Variants in ANKRD10 observed in about 807,000 individuals in gnomAD.
ANKRD10 encodes the protein ankyrin repeat domain-containing protein 10.
ANKRD10 carries 14 observed loss-of-function variants against 27.0 expected under a neutral mutation model. The ratio of observed to expected loss-of-function variants is 0.52; its 90% CI spans 0.34 to 0.81. The LOEUF (loss-of-function observed/expected upper bound fraction) is 0.81, where lower values mean the gene tolerates loss of function less well. ANKRD10 is among the 40% of genes least tolerant of loss of function. ANKRD10 has a pLI of 0.01. For synonymous variants in ANKRD10, 250 were observed against 224.5 expected, an observed-to-expected ratio of 1.11 and a Z score of -1.01; for missense variants, 493 against 544.0, an observed-to-expected ratio of 0.91 and a Z score of 0.93.
chr13:110,891,352 A>G lies in ANKRD10; in HGVS notation c.691+1676T>C, dbSNP rs1396736094. Among the ~76,000 whole-genome samples the G allele has an allele frequency of 7.9e-5, 12 of 152,240 alleles. No individual in the cohort carries two copies. The East Asian group carries it at 2.3e-3, about 29-fold the overall frequency. On this transcript the variant is annotated intron_variant, in intron 4 of 5. Transcript: ENST00000267339. Reference sequence around the variant, plus strand: ...TTAAAACATGGTACAAATAAATGACAATGCTGAATACATCACCATTAAAAA... The same window carrying G: ...TTAAAACATGGTACAAATAAATGACGATGCTGAATACATCACCATTAAAAA...
intron 4 of ANKRD10, among the ~76,000 whole-genome samples, chr13:110,888,148 G>C (rs979375709): frequency 3.3e-5 from 5 of 151,776 alleles, no homozygotes; most frequent in African/African-American, 9.7e-5. Flanking sequence ...GACAGAGAAG[G>C]GAACTGAGTG....
chr13:110,914,797 G>A lies in ANKRD10; in HGVS notation c.138C>T (p.Pro46=). ...AGTCCTCAGAGGCCAGGTGGGCGTGGGGTGTCTGCTGCAGCAGCGAGCAGA... is the reference window on the plus strand; with the variant it reads ...AGTCCTCAGAGGCCAGGTGGGCGTGAGGTGTCTGCTGCAGCAGCGAGCAGA... The part of the protein sequence containing the change: ...ATLCSLLQQT[P]HAHLASEDSF... The change falls in exon 1 of 6, where the codon CCC becomes CCT. Residue 46 remains proline, a synonymous_variant. Coordinates refer to ENST00000267339, the MANE Select transcript of ANKRD10 (RefSeq NM_017664.4). 1 of 1,595,476 alleles carries A rather than the reference G, an allele frequency of 6.3e-7. No homozygotes were observed. Among genetic ancestry groups the A allele is most frequent in the Non-Finnish European group, 8.5e-7 (1 of 1,171,744 alleles).
At position 110,910,620 on chromosome 13, in the gene ANKRD10, G is replaced by A; in HGVS notation, c.361C>T (p.Pro121Ser). 1 of 1,613,694 alleles carries A rather than the reference G, an allele frequency of 6.2e-7. No individual in the cohort carries two copies. ...AAGTCCATCACCAGCACTCTTACCG[G>A]TTTGTTAATGTTGGCTCCTGCTTGA... ...LIQAGANINK[P>S]DCEGETPIHK... Residue 121 changes from proline to serine, a missense_variant and splice_region_variant, in exon 2 of 6, where the codon CCG becomes TCG. Transcript: ENST00000267339.
At chr13:110,889,985 T>C (rs972182359) in intron 4 of ANKRD10, among the ~76,000 whole-genome samples, 4 of 152,290 alleles carry the variant, frequency 2.6e-5, no homozygotes, top group Admixed American at 1.3e-4. Context: ...TTCTAAATAT[T>C]TTTATATGTG....
rs1275487321 is a variant in ANKRD10 at position 110,906,061 on chromosome 13, C to T, written c.427G>A (p.Ala143Thr). ...ARSGSLECIS[A>T]LVANGAHVDL... The stretch of plus-strand genomic sequence containing the variant: ...ACGTGAGCCCCATTCGCCACAAGGG[C>T]ACTGATGCATTCTAGGCTCCCAGAG... The change falls in exon 3 of 6, where the codon GCC (alanine) becomes ACC (threonine). Residue 143 changes from alanine to threonine, a missense_variant. Transcript: ENST00000267339. The T allele has an allele frequency of 6.2e-7, 1 of 1,603,396 alleles. No homozygotes were observed. The highest frequency in any genetic ancestry group is 1.7e-5 in the Admixed American group (1 of 58,954).
intron 4 of ANKRD10, among the ~76,000 whole-genome samples, 173 bp from the exon 5 acceptor site, chr13:110,883,966 CAA>C (rs1251189192): frequency 6.6e-6 from 1 of 152,122 alleles, no homozygotes; most frequent in Non-Finnish European, 1.5e-5. Context: ...TTTCCACAAT[CAA>C]AAAGATTTCT....
At chr13:110,900,603 G>C in intron 3 of ANKRD10, 1 of 1,351,870 alleles carries the variant, frequency 7.4e-7, no homozygotes, top group African/African-American at 1.5e-5. Context: ...GGTTTTCGGA[G>C]AAGCACCTGT....
intron 3 of ANKRD10, chr13:110,903,661 A>C (rs980874466): frequency 6.5e-6 from 1 of 152,732 alleles, no homozygotes; most frequent in Non-Finnish European, 1.5e-5. Context: ...TGGGCACTTT[A>C]TGTAGCAGAT....
chr13:110,879,765 C>T lies in ANKRD10; in HGVS notation c.1135G>A (p.Gly379Arg), dbSNP rs748005008. Residue 379 changes from glycine (G) to arginine (R), a missense_variant, in exon 6 of 6, where the codon GGG (glycine) becomes AGG (arginine). Physicochemically the swap from Gly to Arg is moderately radical, Grantham distance 125 (BLOSUM62 -2). Transcript: ENST00000267339. ...GDNLYYGHYH[G>R]FGDTAESIPE... ...ATGCTTTCAGCAGTGTCCCCAAACC[C>T]GTGGTAGTGTCCATAGTACAGGTTA... The T allele has an allele frequency of 1.1e-5, 18 of 1,614,100 alleles. No homozygotes were observed. The highest frequency in any genetic ancestry group is 7.7e-5 in the South Asian group (7 of 91,090).
chr13:110,912,248 C>A (rs2065736586), intron 1 of ANKRD10, among the ~76,000 whole-genome samples: 3 of 152,198 alleles, frequency 2.0e-5, no homozygotes, highest in Admixed American at 6.5e-5. Context: ...AGAGACCTCA[C>A]CTGAAGACAA....
At chr13:110,885,261 A>G (rs184019249) in intron 4 of ANKRD10, among the ~76,000 whole-genome samples, 53 of 151,728 alleles carry the variant, frequency 3.5e-4, no homozygotes, top group East Asian at 2.5e-3. Flanking sequence ...AAGAGAGAGA[A>G]AAAAAAAAGG....
chr13:110,880,126 T>C lies in ANKRD10; in HGVS notation c.788-14A>G, dbSNP rs772184523. The C allele has an allele frequency of 6.9e-6, 11 of 1,597,762 alleles. No individual in the cohort carries two copies. The highest frequency in any genetic ancestry group is 5.1e-5 in the Admixed American group (3 of 59,314). On this transcript the variant is annotated splice_polypyrimidine_tract_variant and intron_variant, in intron 5 of 5. Coordinates refer to ENST00000267339, the MANE Select transcript of ANKRD10 (RefSeq NM_017664.4). ...TGTTTTTCATATCTGCATTAAGAAATACACCTGTCACCAAAATTCAGAACC... is the reference window on the plus strand; with the variant it reads ...TGTTTTTCATATCTGCATTAAGAAACACACCTGTCACCAAAATTCAGAACC...
Position 110,906,017 on chromosome 13 carries a change from A to C in ANKRD10, c.455+16T>G. ...ACTACATCTTTAGCTGGAAAGAATA[A>C]ACGAAAGACACTTACTCGACGTGAG... On this transcript the variant is annotated intron_variant, in intron 3 of 5. Coordinates refer to ENST00000267339, the MANE Select transcript of ANKRD10 (RefSeq NM_017664.4). 6.3e-7 allele frequency: 1 copy of C among 1,576,226 alleles called. No individual in the cohort carries two copies. Among genetic ancestry groups the C allele is most frequent in the Non-Finnish European group, 8.6e-7 (1 of 1,156,938 alleles).
chr13:110,910,626 T>C lies in ANKRD10; in HGVS notation c.355A>G (p.Asn119Asp). 3.1e-6 allele frequency: 5 copies of C among 1,613,824 alleles called. No homozygotes were observed. Among genetic ancestry groups the C allele is most frequent in the Non-Finnish European group, 4.2e-6 (5 of 1,179,966 alleles). The change falls in exon 2 of 6, where the codon AAC becomes GAC. Residue 119 changes from asparagine (N) to aspartate (D), a missense_variant. By Grantham distance (23) the Asn-to-Asp change is conservative. Coordinates refer to ENST00000267339, the MANE Select transcript of ANKRD10 (RefSeq NM_017664.4). ...ATCACCAGCACTCTTACCGGTTTGT[T>C]AATGTTGGCTCCTGCTTGAATCAGC... Reference protein sequence around the residue: ...VWLIQAGANINKPDCEGETPI... With the variant: ...VWLIQAGANIDKPDCEGETPI...
intron 3 of ANKRD10, among the ~76,000 whole-genome samples, chr13:110,905,454 C>T (rs2065504883): frequency 6.6e-6 from 1 of 152,148 alleles, no homozygotes. Context: ...ATAATGCCAC[C>T]AGTACCAGAA....
intron 2 of ANKRD10, among the ~76,000 whole-genome samples, chr13:110,906,644 A>G (rs1312863080): frequency 6.6e-6 from 1 of 152,214 alleles, no homozygotes; most frequent in African/African-American, 2.4e-5. Context: ...ACCACAACTT[A>G]GACAAGATGG....
At chr13:110,886,519 C>T (rs538558445) in intron 4 of ANKRD10, among the ~76,000 whole-genome samples, 1 of 152,314 alleles carries the variant, frequency 6.6e-6, no homozygotes, top group Non-Finnish European at 1.5e-5. Flanking sequence ...CTTCTTCATT[C>T]CTAGTAGCTA....
rs1241515309 is a variant in ANKRD10 at position 110,879,940 on chromosome 13, C to T, written c.960G>A (p.Pro320=). 5 of 1,614,188 alleles carry T rather than the reference C, an allele frequency of 3.1e-6. No individual in the cohort carries two copies. Among genetic ancestry groups the T allele is most frequent in the Admixed American group, 1.7e-5 (1 of 60,032 alleles). ...SSGLAPGQPF[P]SSQGSLCISG... is the part of the protein sequence containing the mutation. Reference sequence around the variant, plus strand: ...TAATGCAGAGAGAACCCTGGCTACTCGGAAACGGCTGTCCTGGGGCTAATC... The same window carrying T: ...TAATGCAGAGAGAACCCTGGCTACTTGGAAACGGCTGTCCTGGGGCTAATC... Residue 320 remains proline, a synonymous_variant, in exon 6 of 6, where the codon CCG becomes CCA. Coordinates refer to ENST00000267339, the MANE Select transcript of ANKRD10 (RefSeq NM_017664.4).
intron 3 of ANKRD10, chr13:110,894,184 ACTG>A: frequency 6.2e-7 from 1 of 1,611,996 alleles, no homozygotes; most frequent in Non-Finnish European, 8.5e-7. Context: ...AAGAATGTAC[ACTG>A]CTCTGTGAAA....
Sources: gnomAD v4.1 joint callset for allele counts (sites outside exome capture counted in the v4.1 genomes callset) on GRCh38, gnomAD v4.1.1 for gene constraint, MANE v1.5 for transcripts, NCBI Gene and HGNC (gene_info 2026-07-23, HGNC 2026-07-21) for gene names.